The following FBLN5 variants were observed in gnomAD, a reference collection of about 807,000 sequenced individuals.
FBLN5 encodes the protein fibulin-5.
FBLN5 carries 24 observed loss-of-function variants against 61.6 expected under a neutral mutation model. That is an observed-to-expected ratio of 0.39 (90% CI 0.28 to 0.55). The LOEUF is 0.55. FBLN5 is among the 20% of genes least tolerant of loss of function. FBLN5 has a pLI of 0.65. For missense variants in FBLN5, 470 were observed against 594.1 expected, an observed-to-expected ratio of 0.79 and a Z score of 2.17; for synonymous variants, 213 against 219.8, an observed-to-expected ratio of 0.97 and a Z score of 0.27.
chr14:91,877,754 T>A, intron 9 of FBLN5, 72 bp from the exon 10 acceptor site: 2 of 1,237,766 alleles, frequency 1.6e-6, no homozygotes, highest in Non-Finnish European at 1.2e-6. Context: ...CTTCCTCTCT[T>A]AAAACACTGA....
intron 4 of FBLN5, among the ~76,000 whole-genome samples, chr14:91,904,909 A>T (rs1012714050): frequency 1.3e-5 from 2 of 152,234 alleles, no homozygotes; most frequent in Non-Finnish European, 2.9e-5. Context: ...TTGACATCCC[A>T]GATGGGAAAG....
chr14:91,910,527 C>CTACA (rs763509030), intron 4 of FBLN5, among the ~76,000 whole-genome samples: 1 of 152,118 alleles, frequency 6.6e-6, no homozygotes, highest in Non-Finnish European at 1.5e-5. Context: ...CGCATTTTTA[C>CTACA]TACAATAAAA....
In FBLN5 at chr14:91,882,742, G is replaced by A. The variant is rs1481320096; in HGVS notation, c.862+212C>T. 1.3e-5 allele frequency among the ~76,000 whole-genome samples: 2 copies of A among 152,210 alleles called. No individual in the cohort carries two copies. Among genetic ancestry groups the A allele is most frequent in the Non-Finnish European group, 2.9e-5 (2 of 68,040 alleles). ...AGAAGTTTAAGTGGCCAATATCCTG[G>A]CCAAAGGACGGGTTACAGGGAAGGA... On this transcript the variant is annotated intron_variant, in intron 8 of 10. Transcript: ENST00000342058. This position sits in a 1 kb window ranked among gnomAD's most constrained non-coding sequence, Gnocchi z 4.9.
In FBLN5 at chr14:91,870,202, G is replaced by A. The variant is rs771138139; in HGVS notation, c.*22C>T. ...TCCCTTGGTGCCAATGAGAGGCAGC[G>A]TCGGAGGCTCCAGCCCGAGGCTCAG... On this transcript the variant is annotated 3_prime_UTR_variant, in exon 11 of 11. Coordinates refer to ENST00000342058, the MANE Select transcript of FBLN5 (RefSeq NM_006329.4). 7.4e-6 allele frequency: 12 copies of A among 1,611,972 alleles called. No individual in the cohort carries two copies. In the East Asian group the frequency reaches 1.1e-4, roughly 15 times the overall value.
At chr14:91,873,216 C>T (rs1435583861) in intron 10 of FBLN5, among the ~76,000 whole-genome samples, 1 of 152,140 alleles carries the variant, frequency 6.6e-6, no homozygotes, top group African/African-American at 2.4e-5. Flanking sequence ...AAATAAACCC[C>T]TGAGAGCCCG....
At chr14:91,910,643 C>A (rs1288972647) in intron 4 of FBLN5, among the ~76,000 whole-genome samples, 1 of 152,130 alleles carries the variant, frequency 6.6e-6, no homozygotes, top group Non-Finnish European at 1.5e-5. Context: ...AAAAACAAAA[C>A]CCCATAAAGA....
chr14:91,908,914 T>C (rs895234497), intron 4 of FBLN5, among the ~76,000 whole-genome samples: 1 of 152,072 alleles, frequency 6.6e-6, no homozygotes, highest in Non-Finnish European at 1.5e-5. Flanking sequence ...ACTTTTTTTT[T>C]TAATTAATTA....
chr14:91,945,689 T>A (rs1489327272), intron 1 of FBLN5, among the ~76,000 whole-genome samples: 2 of 152,162 alleles, frequency 1.3e-5, no homozygotes, highest in African/African-American at 2.4e-5. Context: ...AGGGCCCTGA[T>A]ACGATCTTAG....
intron 4 of FBLN5, among the ~76,000 whole-genome samples, chr14:91,915,360 G>C (rs893538448): frequency 6.6e-6 from 1 of 150,562 alleles, no homozygotes; most frequent in Non-Finnish European, 1.5e-5. Context: ...AGAAGAAACA[G>C]AAAGTGCAAA....
chr14:91,929,781 G>T (rs1002300173), intron 4 of FBLN5, among the ~76,000 whole-genome samples: 3 of 152,216 alleles, frequency 2.0e-5, no homozygotes, highest in African/African-American at 7.2e-5. Flanking sequence ...TAATTAAAGG[G>T]TGTTCCCTGG....
At chr14:91,936,833 G>A in intron 4 of FBLN5, 114 bp downstream of exon 4, 2 of 1,229,128 alleles carry the variant, frequency 1.6e-6, no homozygotes, top group Non-Finnish European at 2.4e-6. Context: ...GTAAGTCATT[G>A]TTTCACTGGT....
rs142907552 is a variant in FBLN5, at chr14:91,870,330, C to T, written c.1241G>A (p.Arg414Gln). ...CATTTCCAAGTCCAGCTGGATTTCC[C>T]GGGGCCCTTTGATGGGGCGTGTCAT... is the stretch of plus-strand genomic sequence containing the variant. ...LVMTRPIKGP[R>Q]EIQLDLEMIT... The change falls in exon 11 of 11, where the codon CGG becomes CAG. Residue 414 changes from arginine to glutamine, a missense_variant. By Grantham distance (43) the Arg-to-Gln change is conservative. Transcript: ENST00000342058. The T allele has an allele frequency of 3.5e-4, 565 of 1,614,048 alleles. No individual in the cohort carries two copies. Among genetic ancestry groups the T allele is most frequent in the Non-Finnish European group, 4.4e-4 (524 of 1,180,022 alleles).
At chr14:91,894,402 CAAAAAA>C (rs58035118) in intron 5 of FBLN5, among the ~76,000 whole-genome samples, 1 of 34,408 alleles carries the variant, frequency 2.9e-5, no homozygotes, top group African/African-American at 1.2e-4. Flanking sequence ...GACACCATAT[CAAAAAA>C]AAAAAAAAAA....
chr14:91,889,244 G>T (rs73339676), intron 6 of FBLN5, among the ~76,000 whole-genome samples: 403 of 152,314 alleles, frequency 2.6e-3, no homozygotes, highest in African/African-American at 9.2e-3. Context: ...GACAGTGCCG[G>T]CAAGTGTTAG....
At chr14:91,914,487 A>C (rs1566817483) in intron 4 of FBLN5, among the ~76,000 whole-genome samples, 1 of 149,836 alleles carries the variant, frequency 6.7e-6, no homozygotes, top group African/African-American at 2.4e-5. Context: ...CAAAAAAAAA[A>C]AAAAAAAAAA....
chr14:91,927,111 C>T (rs1336299365), intron 4 of FBLN5, among the ~76,000 whole-genome samples: 2 of 152,168 alleles, frequency 1.3e-5, no homozygotes, highest in East Asian at 3.8e-4. Flanking sequence ...AAAGAAATAG[C>T]TTGGGCCTAT....
intron 5 of FBLN5, among the ~76,000 whole-genome samples, chr14:91,893,072 T>G (rs1184036528): frequency 6.6e-6 from 1 of 151,762 alleles, no homozygotes; most frequent in Non-Finnish European, 1.5e-5. Context: ...TATAGCCCGG[T>G]CTCCCCCTAC....
rs562521547 is a variant in FBLN5 at position 91,915,468 on chromosome 14, G to A, written c.380-20396C>T. 2.6e-3 allele frequency among the ~76,000 whole-genome samples: 397 copies of A among 151,880 alleles called. 2 individuals are homozygous for A. Among genetic ancestry groups the A allele is most frequent in the African/African-American group, 9.1e-3 (379 of 41,462 alleles). On this transcript the variant is annotated intron_variant, in intron 4 of 10. Transcript: ENST00000342058. ...TGGGAGGCCAAGGCGGGTGGATCAC[G>A]AGGTCAGGAGATCGAGACTATCCTG... is the stretch of plus-strand genomic sequence containing the variant.
intron 4 of FBLN5, among the ~76,000 whole-genome samples, chr14:91,927,661 T>C (rs2055851903): frequency 6.6e-6 from 1 of 152,236 alleles, no homozygotes; most frequent in Non-Finnish European, 1.5e-5. Flanking sequence ...AGCTCAGCTC[T>C]GGCCCTGGCA....
Sources: gnomAD v4.1 joint callset for allele counts (sites outside exome capture counted in the v4.1 genomes callset) on GRCh38, gnomAD v4.1.1 for gene constraint, Gnocchi (gnomAD v3.1) non-coding constraint, MANE v1.5 for transcripts, NCBI Gene and HGNC (gene_info 2026-07-23, HGNC 2026-07-21) for gene names.